Variants in MYH14 observed in about 807,000 individuals in gnomAD.
MYH14 encodes the protein myosin-14.
In MYH14, 123 loss-of-function variants were observed where a neutral mutation model predicts 255.5. The observed-to-expected ratio is 0.48, with a 90% CI of 0.42 to 0.56. The LOEUF (loss-of-function observed/expected upper bound fraction) is 0.56, where lower values mean the gene tolerates loss of function less well. Among genes scored for constraint, MYH14 ranks in the 20% least tolerant of loss-of-function variants. The pLI, the probability that MYH14 is intolerant of heterozygous loss-of-function variation, is 0.00. For missense variants in MYH14, 2,423 were observed against 2,802.3 expected, an observed-to-expected ratio of 0.86 and a Z score of 3.06; for synonymous variants, 1,095 against 1,161.2, an observed-to-expected ratio of 0.94 and a Z score of 1.16.
intron 1 of MYH14, among the ~76,000 whole-genome samples, chr19:50,205,707 C>A (rs891473299): frequency 2.6e-5 from 4 of 152,216 alleles, no homozygotes; most frequent in Admixed American, 6.5e-5. Flanking sequence ...CGAGCCCGAA[C>A]TTCTGGGTCC....
chr19:50,248,809 A>G (rs2034237789), intron 12 of MYH14, among the ~76,000 whole-genome samples, 178 bp from the exon 13 acceptor site: 1 of 152,270 alleles, frequency 6.6e-6, no homozygotes, highest in Non-Finnish European at 1.5e-5. Context: ...GGTGCGCAGT[A>G]GGACTTCAGG....
At chr19:50,242,184 T>C (rs1036411267) in intron 10 of MYH14, among the ~76,000 whole-genome samples, 4 of 152,146 alleles carry the variant, frequency 2.6e-5, no homozygotes, top group African/African-American at 7.2e-5. Context: ...TCCTGAGACA[T>C]ATTCTAGGGG....
intron 3 of MYH14, among the ~76,000 whole-genome samples, chr19:50,219,768 C>A (rs957300335): frequency 6.6e-6 from 1 of 150,696 alleles, no homozygotes; most frequent in African/African-American, 2.5e-5. Flanking sequence ...TCAGTCCTGG[C>A]AGAATTACAT....
Position 50,309,092 on chromosome 19 carries a change from C to A in MYH14, c.5875C>A (p.Arg1959=). The A allele has an allele frequency of 6.2e-7, 1 of 1,613,884 alleles. No homozygotes were observed. The highest frequency in any genetic ancestry group is 1.1e-5 in the South Asian group (1 of 91,088). The change falls in exon 42 of 43, where the codon CGG becomes AGG. Residue 1959 remains arginine, a synonymous_variant. Transcript: ENST00000642316. ...EEASRAQAGR[R]RLQRELEDVT... ...GGCATCCCGGGCTCAGGCCGGCCGC[C>A]GGAGGCTGCAGCGTGAGCTGGAAGA...
Position 50,230,938 on chromosome 19 carries a change from C to A in MYH14, c.973+315C>A, listed in dbSNP as rs911547505. ...CCGTGGCTTCTCTCTCGCGCGGCTT[C>A]TCCTCACTCCGGCGGGTGACTCCGG... On this transcript the variant is annotated intron_variant, in intron 9 of 42. Transcript: ENST00000642316. This position sits in a 1 kb window ranked among gnomAD's most constrained non-coding sequence, Gnocchi z 4.7. 7 of 358,132 alleles carry A rather than the reference C, an allele frequency of 2.0e-5. No homozygotes were observed. Among genetic ancestry groups the A allele is most frequent in the Non-Finnish European group, 3.7e-5 (7 of 190,622 alleles). 22.2% of individuals were successfully genotyped at this position (358,132 alleles called of 1,614,324 possible).
At chr19:50,235,235 G>A (rs958400219) in intron 10 of MYH14, among the ~76,000 whole-genome samples, 3 of 151,930 alleles carry the variant, frequency 2.0e-5, no homozygotes, top group African/African-American at 7.3e-5. Flanking sequence ...GTGGGCGCCT[G>A]TAGTCCCAGC....
intron 39 of MYH14, among the ~76,000 whole-genome samples, chr19:50,294,244 G>A (rs1205694863): frequency 6.6e-6 from 1 of 151,970 alleles, no homozygotes; most frequent in Non-Finnish European, 1.5e-5. Flanking sequence ...GAGGAAACAC[G>A]GGCACTGTGG....
At chr19:50,239,015 A>AC (rs2033782275) in intron 10 of MYH14, among the ~76,000 whole-genome samples, 3 of 152,212 alleles carry the variant, frequency 2.0e-5, no homozygotes, top group East Asian at 1.9e-4. Context: ...CCAAAAAAAA[A>AC]CAAAAAAAAT....
At position 50,293,072 on chromosome 19, in the gene MYH14, A is replaced by G. The variant is rs906704540; in HGVS notation, c.5257-161A>G. 6.6e-6 allele frequency among the ~76,000 whole-genome samples: 1 copy of G among 151,910 alleles called. No homozygotes were observed. Among genetic ancestry groups the G allele is most frequent in the Non-Finnish European group, 1.5e-5 (1 of 67,944 alleles). On this transcript the variant is annotated intron_variant, in intron 37 of 42. Coordinates refer to ENST00000642316, the MANE Select transcript of MYH14 (RefSeq NM_001145809.2). The surrounding 1 kb of genome is among the most constrained non-coding windows in gnomAD (Gnocchi z 4.1). ...CACAGGTCAGGGGCTCAGGAGACAG[A>G]TTTAGGAGACATCTGTAGGTTGCAG...
At chr19:50,259,351 A>G (rs918842270) in intron 19 of MYH14, 86 bp downstream of exon 19, 2 of 1,504,270 alleles carry the variant, frequency 1.3e-6, no homozygotes, top group East Asian at 2.5e-5. Context: ...TCAGGTCTCC[A>G]CCCACTCTTG....
At position 50,259,801 on chromosome 19, in the gene MYH14, C is replaced by T. The variant is rs1300294736; in HGVS notation, c.2354+536C>T. Among the ~76,000 whole-genome samples the T allele has an allele frequency of 7.9e-5, 12 of 152,090 alleles. No individual in the cohort carries two copies. The East Asian group carries it at 1.7e-3, about 22-fold the overall frequency. ...GCTGAGGCAGGAGAATCACTTGAAC[C>T]GGGAAGGGGGAGGTTGCAGTGAGCC... On this transcript the variant is annotated intron_variant, in intron 19 of 42. Transcript: ENST00000642316.
rs957523995 is a variant in MYH14, at chr19:50,272,822, A to C, written c.3467+91A>C. ...CCAAGTCAGAAGCTCCTGGGTACAAACCCCAGTGGAGCCACTCACCAGCCA... is the reference window on the plus strand; with the variant it reads ...CCAAGTCAGAAGCTCCTGGGTACAACCCCCAGTGGAGCCACTCACCAGCCA... On this transcript the variant is annotated intron_variant, in intron 27 of 42. Coordinates refer to ENST00000642316, the MANE Select transcript of MYH14 (RefSeq NM_001145809.2). The C allele has an allele frequency of 1.1e-5, 14 of 1,294,088 alleles. No homozygotes were observed. The Admixed American group carries it at 2.1e-4, about 19-fold the overall frequency. 80.2% of individuals were successfully genotyped at this position (1,294,088 alleles called of 1,614,324 possible). A position where few individuals can be genotyped will look rare whatever the true frequency, so the allele number is the denominator to read the frequency against.
At chr19:50,217,910 A>G in intron 3 of MYH14, 139 bp downstream of exon 3, 1 of 1,016,884 alleles carries the variant, frequency 9.8e-7, no homozygotes, top group Non-Finnish European at 1.4e-6. Flanking sequence ...GGCTGGAGGG[A>G]GCACAAGTAG....
chr19:50,210,599 G>A lies in MYH14; in HGVS notation c.234G>A (p.Ala78=), dbSNP rs1014637522. ...AALRDEGEEE[A]EVELAESGRR... ...TGCGGGACGAAGGCGAGGAGGAGGC[G>A]GAGGTGGAGCTGGCGGAGAGCGGGA... The change falls in exon 2 of 43, where the codon GCG becomes GCA. Residue 78 remains alanine, a synonymous_variant. Coordinates refer to ENST00000642316, the MANE Select transcript of MYH14 (RefSeq NM_001145809.2). 1.3e-6 allele frequency: 2 copies of A among 1,572,722 alleles called. No individual in the cohort carries two copies. Among genetic ancestry groups the A allele is most frequent in the Non-Finnish European group, 1.7e-6 (2 of 1,160,074 alleles).
intron 3 of MYH14, among the ~76,000 whole-genome samples, chr19:50,219,179 C>T (rs1238738701): frequency 2.0e-5 from 3 of 148,840 alleles, no homozygotes; most frequent in African/African-American, 7.3e-5. Context: ...TTTATCTACT[C>T]GTTGGTTGAT....
intron 39 of MYH14, among the ~76,000 whole-genome samples, chr19:50,298,804 G>A (rs968972553): frequency 5.3e-5 from 8 of 151,680 alleles, no homozygotes; most frequent in East Asian, 1.9e-4. Context: ...CAGAAAGATC[G>A]GGTGCAGTGG....
At chr19:50,239,834 C>T (rs2033820299) in intron 10 of MYH14, among the ~76,000 whole-genome samples, 1 of 152,190 alleles carries the variant, frequency 6.6e-6, no homozygotes, top group Admixed American at 6.5e-5. Flanking sequence ...CAGGCGTGAG[C>T]CACCGCGCCC....
rs936194785 is a variant in MYH14, at chr19:50,250,942, A to G, written c.1830+254A>G. 6.6e-6 allele frequency among the ~76,000 whole-genome samples: 1 copy of G among 152,130 alleles called. No homozygotes were observed. Among genetic ancestry groups the G allele is most frequent in the African/African-American group, 2.4e-5 (1 of 41,424 alleles). On this transcript the variant is annotated intron_variant, in intron 15 of 42. Coordinates refer to ENST00000642316, the MANE Select transcript of MYH14 (RefSeq NM_001145809.2). The surrounding 1 kb of genome is among the most constrained non-coding windows in gnomAD (Gnocchi z 5.4). ...GTTCATCAGGAGGCGATCTATGTGCATTTTATCCACTTATTCAGCAGATAT... is the reference window on the plus strand; with the variant it reads ...GTTCATCAGGAGGCGATCTATGTGCGTTTTATCCACTTATTCAGCAGATAT...
At chr19:50,251,468 T>C (rs544426910) in intron 15 of MYH14, among the ~76,000 whole-genome samples, 4 of 145,824 alleles carry the variant, frequency 2.7e-5, no homozygotes, top group East Asian at 2.0e-4. Flanking sequence ...TATATATATA[T>C]ACACATATAT....
Sources: gnomAD v4.1 joint callset for allele counts (sites outside exome capture counted in the v4.1 genomes callset) on GRCh38, gnomAD v4.1.1 for gene constraint, Gnocchi (gnomAD v3.1) non-coding constraint, MANE v1.5 for transcripts, NCBI Gene and HGNC (gene_info 2026-07-23, HGNC 2026-07-21) for gene names.